ANO2: variants seen among roughly 807,000 people sequenced by gnomAD.
The protein encoded by ANO2 is anoctamin 2, also known as anoctamin-2.
Under a neutral mutation model 124.2 loss-of-function variants are expected in ANO2, and 101 were observed. The ratio of observed to expected loss-of-function variants is 0.81; its 90% CI spans 0.69 to 0.96. The LOEUF (loss-of-function observed/expected upper bound fraction) is 0.96, where lower values mean the gene tolerates loss of function less well. Among genes scored for constraint, ANO2 ranks in the 40% least tolerant of loss-of-function variants. The pLI is 0.00. For synonymous variants in ANO2, 486 were observed against 482.5 expected (o/e 1.01, Z -0.09); for missense variants, 1,293 against 1,274.5 (o/e 1.01, Z -0.22).
chr12:5,823,921 A>T (rs1953881202), intron 7 of ANO2, among the ~76,000 whole-genome samples: 1 of 152,152 alleles, frequency 6.6e-6, no homozygotes, highest in Non-Finnish European at 1.5e-5. Flanking sequence ...TCAACACTAC[A>T]TGGAAGCTGC....
intron 10 of ANO2, among the ~76,000 whole-genome samples, chr12:5,756,705 A>G (rs1342518159): frequency 6.6e-6 from 1 of 152,122 alleles, no homozygotes; most frequent in Non-Finnish European, 1.5e-5. Context: ...GCCTGCTTCC[A>G]AGGTCCACTA....
intron 5 of ANO2, among the ~76,000 whole-genome samples, chr12:5,831,286 G>A (rs1419064735): frequency 3.9e-5 from 6 of 152,198 alleles, no homozygotes; most frequent in African/African-American, 1.2e-4. Context: ...AGGGTGAAGC[G>A]CGTGCTTCTG....
chr12:5,942,666 GTT>G (rs1942942092), intron 1 of ANO2, among the ~76,000 whole-genome samples: 1 of 152,308 alleles, frequency 6.6e-6, no homozygotes, highest in African/African-American at 2.4e-5. Flanking sequence ...CTTGCCATGG[GTT>G]CTTTTGCCTT....
chr12:5,944,762 T>G (rs561742816), intron 1 of ANO2, among the ~76,000 whole-genome samples: 3 of 152,248 alleles, frequency 2.0e-5, no homozygotes, highest in Admixed American at 6.5e-5. Context: ...AAGTCAAATT[T>G]GCTCTGTCCT....
rs1207108510 is a variant in ANO2 at position 5,933,242 on chromosome 12, C to T, written c.23-10438G>A. Among the ~76,000 whole-genome samples the T allele has an allele frequency of 7.4e-4, 113 of 152,354 alleles. 3 individuals carry two copies. Among genetic ancestry groups the T allele is most frequent in the Admixed American group, 7.3e-3 (112 of 15,306 alleles). ...CTCCTCTTGTGCACACACAGCCACA[C>T]ATGCACAGAAACTCCAGAGAATGAA... is the stretch of plus-strand genomic sequence containing the variant. On this transcript the variant is annotated intron_variant, in intron 1 of 24. Transcript: ENST00000682330.
At chr12:5,785,250 T>C (rs551461294) in intron 10 of ANO2, among the ~76,000 whole-genome samples, 3 of 151,880 alleles carry the variant, frequency 2.0e-5, no homozygotes, top group Non-Finnish European at 2.9e-5. Flanking sequence ...CTTAGGATTA[T>C]TGGAGGAGGG....
chr12:5,639,496 C>T (rs532549090), intron 15 of ANO2, among the ~76,000 whole-genome samples: 63 of 152,170 alleles, frequency 4.1e-4, no homozygotes, highest in South Asian at 6.2e-4. Flanking sequence ...ACCTTCAGCA[C>T]GAGAAATACC....
intron 7 of ANO2, among the ~76,000 whole-genome samples, chr12:5,811,406 T>G (rs1349232620): frequency 6.6e-6 from 1 of 152,228 alleles, no homozygotes; most frequent in Non-Finnish European, 1.5e-5. Context: ...CCAGTTCAGC[T>G]GGATGAATGA....
intron 7 of ANO2, among the ~76,000 whole-genome samples, chr12:5,810,547 G>T (rs1265344761): frequency 2.0e-5 from 3 of 151,962 alleles, no homozygotes; most frequent in African/African-American, 7.3e-5. Flanking sequence ...CTCAGCTCTC[G>T]ACCCAGGGAG....
At chr12:5,676,488 C>T (rs1241129001) in intron 14 of ANO2, among the ~76,000 whole-genome samples, 1 of 152,146 alleles carries the variant, frequency 6.6e-6, no homozygotes, top group Non-Finnish European at 1.5e-5. Context: ...TTTACACCCA[C>T]AAGCACACAC....
At chr12:5,641,072 C>T (rs1946357317) in intron 15 of ANO2, among the ~76,000 whole-genome samples, 1 of 152,148 alleles carries the variant, frequency 6.6e-6, no homozygotes, top group Non-Finnish European at 1.5e-5. Flanking sequence ...ATGTTCTTTG[C>T]AGGGACACGG....
At chr12:5,886,326 G>A (rs1008532541) in intron 3 of ANO2, among the ~76,000 whole-genome samples, 2 of 152,200 alleles carry the variant, frequency 1.3e-5, no homozygotes, top group Non-Finnish European at 2.9e-5. Flanking sequence ...TGCCATTTGT[G>A]ACATCGATGA....
intron 4 of ANO2, 35 bp downstream of exon 4, chr12:5,854,008 A>C: frequency 1.3e-6 from 2 of 1,581,594 alleles, no homozygotes; most frequent in South Asian, 1.1e-5. Context: ...TCCAGCCCTC[A>C]GGAGGCCCAG....
intron 3 of ANO2, among the ~76,000 whole-genome samples, chr12:5,867,174 T>C (rs991283635): frequency 3.9e-5 from 6 of 152,226 alleles, no homozygotes; most frequent in Admixed American, 6.5e-5. Flanking sequence ...TTTGAACATG[T>C]ACAAAGAAGC....
chr12:5,579,613 C>A (rs1218533923), intron 20 of ANO2, among the ~76,000 whole-genome samples: 1 of 152,100 alleles, frequency 6.6e-6, no homozygotes, highest in East Asian at 1.9e-4. Flanking sequence ...GCACACAGCC[C>A]CTCTCACCTG....
intron 3 of ANO2, chr12:5,858,797 ACTT>A (rs1444412788): frequency 1.3e-5 from 2 of 152,198 alleles, no homozygotes; most frequent in Admixed American, 6.6e-5. Flanking sequence ...AGTATCTGAA[ACTT>A]CTTCTGTATT....
chr12:5,938,728 G>C (rs1448180873), intron 1 of ANO2, among the ~76,000 whole-genome samples: 1 of 152,114 alleles, frequency 6.6e-6, no homozygotes, highest in Non-Finnish European at 1.5e-5. Flanking sequence ...AGGAGGCTGA[G>C]GCAGGAGAAT....
chr12:5,641,013 G>T (rs1565510934), intron 15 of ANO2, among the ~76,000 whole-genome samples: 1 of 152,144 alleles, frequency 6.6e-6, no homozygotes, highest in Non-Finnish European at 1.5e-5. Flanking sequence ...AGAAAATGTG[G>T]CACATATACA....
intron 3 of ANO2, among the ~76,000 whole-genome samples, chr12:5,897,964 GAGA>G (rs997124756): frequency 8.5e-5 from 13 of 152,164 alleles, no homozygotes; most frequent in South Asian, 4.2e-4. Context: ...ACCACTGAGT[GAGA>G]AGAAGATATT....
Sources: allele counts gnomAD v4.1 joint callset (sites outside exome capture counted in the v4.1 genomes callset), GRCh38; gene constraint gnomAD v4.1.1; transcripts MANE v1.5; gene names NCBI Gene and HGNC (gene_info 2026-07-23, HGNC 2026-07-21).